Variants in SLC35F4 observed in about 807,000 individuals in gnomAD.
The protein encoded by SLC35F4 is solute carrier family 35 member F4.
A neutral mutation model predicts 44.2 loss-of-function variants in SLC35F4; 24 were observed. That is an observed-to-expected ratio of 0.54 (90% CI 0.39 to 0.76). The LOEUF (loss-of-function observed/expected upper bound fraction) is 0.76. Ranked by LOEUF, SLC35F4 falls within the 30% of genes least tolerant of loss-of-function variation. The pLI, the probability that SLC35F4 is intolerant of heterozygous loss-of-function variation, is 0.00. For missense variants in SLC35F4, 562 were observed against 586.1 expected (o/e 0.96, Z 0.42); for synonymous variants, 238 against 223.6 (o/e 1.06, Z -0.57).
intron 1 of SLC35F4, among the ~76,000 whole-genome samples, chr14:57,922,171 A>G (rs1180848202): frequency 6.6e-6 from 1 of 152,204 alleles, no homozygotes; most frequent in East Asian, 1.9e-4. Context: ...TAGGATGTTC[A>G]AAATTTTTTT....
At chr14:57,680,107 T>C (rs906442803) in intron 1 of SLC35F4, among the ~76,000 whole-genome samples, 1 of 151,912 alleles carries the variant, frequency 6.6e-6, no homozygotes, top group Non-Finnish European at 1.5e-5. Flanking sequence ...TGATGAACAT[T>C]GACACAAAAA....
chr14:57,673,764 A>C (rs929758152), intron 1 of SLC35F4, among the ~76,000 whole-genome samples: 6 of 152,098 alleles, frequency 3.9e-5, no homozygotes, highest in Non-Finnish European at 8.8e-5. Context: ...GTAACAAAAA[A>C]TTTATTGGAG....
At chr14:57,592,748 T>C (rs1464781086) in intron 2 of SLC35F4, among the ~76,000 whole-genome samples, 2 of 152,154 alleles carry the variant, frequency 1.3e-5, no homozygotes, top group African/African-American at 4.8e-5. Flanking sequence ...CTTTCACATC[T>C]CCTCTCTTCC....
chr14:57,618,804 C>T (rs1290840090), intron 1 of SLC35F4, among the ~76,000 whole-genome samples: 1 of 152,220 alleles, frequency 6.6e-6, no homozygotes, highest in Non-Finnish European at 1.5e-5. Context: ...GAAATTCTTG[C>T]TGCCAGCACA....
chr14:57,759,567 A>AC (rs1157996269), intron 1 of SLC35F4, among the ~76,000 whole-genome samples: 3 of 152,228 alleles, frequency 2.0e-5, no homozygotes, highest in Non-Finnish European at 4.4e-5. Flanking sequence ...GTGACAGAGC[A>AC]AAAAAAGAAA....
intron 1 of SLC35F4, among the ~76,000 whole-genome samples, chr14:57,633,653 A>AC (rs1033238469): frequency 6.6e-6 from 1 of 151,832 alleles, no homozygotes; most frequent in African/African-American, 2.4e-5. Flanking sequence ...CAGTTTCATC[A>AC]CCCCCAAACT....
At chr14:57,646,004 G>A (rs1259823836) in intron 1 of SLC35F4, among the ~76,000 whole-genome samples, 7 of 152,146 alleles carry the variant, frequency 4.6e-5, no homozygotes, top group African/African-American at 1.7e-4. Flanking sequence ...GCTTTTTGAT[G>A]TGCTGCTGGA....
intron 1 of SLC35F4, among the ~76,000 whole-genome samples, chr14:57,946,469 C>CTTTTTTTTTTTTTTTTTTTTTT (rs71104596): frequency 3.8e-5 from 3 of 78,212 alleles, no homozygotes; most frequent in African/African-American, 5.8e-5. Flanking sequence ...GTTTTCTTTT[C>CTTTTTTTTTTTTTTTTTTTTTT]TTTTTTTTTT....
At chr14:57,686,750 G>T (rs2075078423) in intron 1 of SLC35F4, among the ~76,000 whole-genome samples, 1 of 152,144 alleles carries the variant, frequency 6.6e-6, no homozygotes, top group Non-Finnish European at 1.5e-5. Flanking sequence ...TCATATCAAT[G>T]TTAAAATGTG....
chr14:57,795,942 C>T (rs1264437292), intron 1 of SLC35F4, among the ~76,000 whole-genome samples: 1 of 152,062 alleles, frequency 6.6e-6, no homozygotes, highest in Non-Finnish European at 1.5e-5. Context: ...TCAATCCTCG[C>T]CCACCTCCCA....
intron 1 of SLC35F4, among the ~76,000 whole-genome samples, chr14:57,979,351 G>C (rs12435597): frequency 0.37 from 56,182 of 152,006 alleles, 11,065 homozygotes; most frequent in African/African-American, 0.52. Flanking sequence ...GGAGGGAAGA[G>C]AAGCCAATAT....
intron 1 of SLC35F4, among the ~76,000 whole-genome samples, chr14:57,830,055 GA>G (rs1440938092): frequency 6.6e-6 from 1 of 151,746 alleles, no homozygotes; most frequent in Non-Finnish European, 1.5e-5. Context: ...TTGAAGAGTA[GA>G]AAAAAGTATA....
intron 3 of SLC35F4, among the ~76,000 whole-genome samples, chr14:57,587,839 T>G: frequency 1.0e-5 from 1 of 99,446 alleles, no homozygotes; most frequent in Non-Finnish European, 2.1e-5. Context: ...CAAGGCCAAA[T>G]GAATAAAGAA....
At chr14:57,745,737 T>G (rs1021758295) in intron 1 of SLC35F4, among the ~76,000 whole-genome samples, 1 of 152,212 alleles carries the variant, frequency 6.6e-6, no homozygotes, top group African/African-American at 2.4e-5. Context: ...TTACTGGGTA[T>G]ATACCCAAAG....
intron 1 of SLC35F4, among the ~76,000 whole-genome samples, chr14:57,724,654 C>T (rs8013474): frequency 0.4 from 60,094 of 151,944 alleles, 11,912 homozygotes; most frequent in Middle Eastern, 0.42. Context: ...CTGCATTCTC[C>T]CCCCCAGCCT....
At chr14:57,742,097 C>A (rs185846931) in intron 1 of SLC35F4, among the ~76,000 whole-genome samples, 75 of 152,110 alleles carry the variant, frequency 4.9e-4, no homozygotes, top group Non-Finnish European at 8.7e-4. Context: ...AAGGAACAAC[C>A]GGTACGAGCC....
At chr14:57,617,818 G>A (rs1035482952) in intron 1 of SLC35F4, among the ~76,000 whole-genome samples, 2 of 152,176 alleles carry the variant, frequency 1.3e-5, no homozygotes, top group African/African-American at 2.4e-5. Context: ...GCAATTAATA[G>A]GGAACCTGGG....
At chr14:57,775,341 G>A (rs147540979) in intron 1 of SLC35F4, among the ~76,000 whole-genome samples, 37 of 152,298 alleles carry the variant, frequency 2.4e-4, no homozygotes, top group African/African-American at 8.4e-4. Context: ...TGTAAACAAG[G>A]ACAAATCCTA....
intron 1 of SLC35F4, among the ~76,000 whole-genome samples, chr14:57,684,751 C>G (rs2075018975): frequency 6.6e-6 from 1 of 152,206 alleles, no homozygotes; most frequent in Non-Finnish European, 1.5e-5. Flanking sequence ...CCAGTCTTCT[C>G]TTCTAGAAGG....
Sources: gnomAD v4.1 joint callset for allele counts (sites outside exome capture counted in the v4.1 genomes callset) on GRCh38, gnomAD v4.1.1 for gene constraint, MANE v1.5 for transcripts, NCBI Gene and HGNC (gene_info 2026-07-23, HGNC 2026-07-21) for gene names.